CCR3: variants seen among roughly 807,000 people sequenced by gnomAD.
CCR3 encodes C-C chemokine receptor type 3.
For missense variants in CCR3, 419 were observed against 437.5 expected (o/e 0.96, Z 0.38); for synonymous variants, 203 against 179.2 (o/e 1.13, Z -1.06).
intron 2 of CCR3, among the ~76,000 whole-genome samples, chr3:46,215,528 C>T (rs1219793532): frequency 6.6e-6 from 1 of 152,208 alleles, no homozygotes; most frequent in Non-Finnish European, 1.5e-5. Context: ...TGCAGACTCT[C>T]AGGCCCCACC....
intron 1 of CCR3, among the ~76,000 whole-genome samples, chr3:46,257,675 G>A (rs933671658): frequency 2.6e-5 from 4 of 152,096 alleles, no homozygotes; most frequent in African/African-American, 9.7e-5. Context: ...ATCTATATTA[G>A]TCTGGGTTCT....
At chr3:46,225,785 A>G (rs552219523) in intron 2 of CCR3, among the ~76,000 whole-genome samples, 3 of 152,216 alleles carry the variant, frequency 2.0e-5, no homozygotes, top group African/African-American at 7.2e-5. Flanking sequence ...TTGAGTTTTG[A>G]GAATGCTTTA....
At chr3:46,246,567 C>T (rs187522308) in intron 1 of CCR3, among the ~76,000 whole-genome samples, 25 of 152,020 alleles carry the variant, frequency 1.6e-4, no homozygotes, top group Admixed American at 4.6e-4. Context: ...AGGCAAGGAC[C>T]GGCCATTTTC....
chr3:46,216,693 G>T (rs1314973739), intron 2 of CCR3, among the ~76,000 whole-genome samples: 1 of 152,128 alleles, frequency 6.6e-6, no homozygotes, highest in Non-Finnish European at 1.5e-5. Context: ...AGATGTTGGG[G>T]TCCTATCTTT....
At position 46,211,379 on chromosome 3, in the gene CCR3, G is replaced by GTA. The variant is rs34807299; in HGVS notation, c.-68+490_-68+491dup. Reference sequence around the variant, plus strand: ...ACACCTGGCTAATTTGAAAAAATATGTATATATATATATATATATTTTTTG... The same window carrying GTA: ...ACACCTGGCTAATTTGAAAAAATATGTATATATATATATATATATATTTTTTG... On this transcript the variant is annotated intron_variant, in intron 2 of 3. Transcript: ENST00000357422. Among the ~76,000 whole-genome samples the GTA allele has an allele frequency of 2.8e-3, 356 of 127,702 alleles. 1 individual carries two copies. Among genetic ancestry groups the GTA allele is most frequent in the South Asian group, 7.9e-3 (32 of 4,048 alleles). 83.8% of individuals were successfully genotyped at this position (127,702 alleles called of 152,430 possible). A position where few individuals can be genotyped will look rare whatever the true frequency, so the allele number is the denominator to read the frequency against.
At chr3:46,254,092 T>C (rs1700369476) in intron 1 of CCR3, among the ~76,000 whole-genome samples, 1 of 152,226 alleles carries the variant, frequency 6.6e-6, no homozygotes, top group Admixed American at 6.5e-5. Context: ...CTTATAATTA[T>C]GTATATAAAT....
chr3:46,212,450 C>T (rs937371902), intron 2 of CCR3, among the ~76,000 whole-genome samples: 2 of 152,020 alleles, frequency 1.3e-5, no homozygotes, highest in South Asian at 2.1e-4. Context: ...CCAGGTCCCT[C>T]GACATCACCT....
chr3:46,237,674 T>C (rs1028530509), upstream of CCR3, among the ~76,000 whole-genome samples: 5 of 152,246 alleles, frequency 3.3e-5, no homozygotes, highest in Non-Finnish European at 2.9e-5. Context: ...CAGCATGTAT[T>C]GAAGAGGGTG....
chr3:46,250,154 T>C (rs897203438), intron 1 of CCR3, among the ~76,000 whole-genome samples: 4 of 152,124 alleles, frequency 2.6e-5, no homozygotes, highest in Non-Finnish European at 4.4e-5. Context: ...AAAGGAGCAT[T>C]AACCTTGACT....
At chr3:46,247,327 G>C (rs1490332092) in intron 1 of CCR3, among the ~76,000 whole-genome samples, 1 of 152,116 alleles carries the variant, frequency 6.6e-6, no homozygotes, top group Non-Finnish European at 1.5e-5. Context: ...AAGGTGGTCC[G>C]GTGTCTGGAA....
intron 1 of CCR3, among the ~76,000 whole-genome samples, chr3:46,243,398 G>A (rs1700131832): frequency 6.6e-6 from 1 of 152,106 alleles, no homozygotes; most frequent in Admixed American, 6.6e-5. Context: ...CATTAAGTAT[G>A]TATGTGTGGA....
At chr3:46,212,566 C>T (rs1052428816) in intron 2 of CCR3, among the ~76,000 whole-genome samples, 4 of 151,858 alleles carry the variant, frequency 2.6e-5, no homozygotes, top group Admixed American at 2.6e-4. Context: ...TTCTTCTATC[C>T]AGGTGGTCAT....
chr3:46,242,963 G>GTA (rs71095086), intron 1 of CCR3, among the ~76,000 whole-genome samples: 2,507 of 86,132 alleles, frequency 0.029, 73 homozygotes, highest in Middle Eastern at 0.13. Context: ...ATATATATGT[G>GTA]TATATATATA....
At chr3:46,217,062 G>A (rs1463581219) in intron 2 of CCR3, among the ~76,000 whole-genome samples, 1 of 152,126 alleles carries the variant, frequency 6.6e-6, no homozygotes, top group African/African-American at 2.4e-5. Flanking sequence ...TAGAATGACA[G>A]ATAGATAAAA....
intron 2 of CCR3, among the ~76,000 whole-genome samples, chr3:46,228,996 CT>C (rs1559526897): frequency 6.6e-6 from 1 of 152,176 alleles, no homozygotes; most frequent in Non-Finnish European, 1.5e-5. Context: ...CTCTTTCTAG[CT>C]TTTCCTTTCC....
At chr3:46,228,171 T>C (rs1445750064) in intron 2 of CCR3, among the ~76,000 whole-genome samples, 1 of 151,888 alleles carries the variant, frequency 6.6e-6, no homozygotes, top group African/African-American at 2.4e-5. Context: ...CTTTTTTTTT[T>C]TTCTTCCTCA....
intron 1 of CCR3, among the ~76,000 whole-genome samples, chr3:46,249,540 G>C (rs1700265419): frequency 6.6e-6 from 1 of 152,146 alleles, no homozygotes; most frequent in South Asian, 2.1e-4. Context: ...GATGGTCTAT[G>C]GGGCTTCCGA....
upstream of CCR3, among the ~76,000 whole-genome samples, chr3:46,241,875 T>C (rs930773546): frequency 2.0e-5 from 3 of 152,102 alleles, no homozygotes; most frequent in African/African-American, 7.2e-5. Flanking sequence ...TCAAGAATTA[T>C]AAATCCCAGG....
chr3:46,235,305 C>A (rs1422634624), intron 2 of CCR3, among the ~76,000 whole-genome samples: 1 of 152,128 alleles, frequency 6.6e-6, no homozygotes, highest in Non-Finnish European at 1.5e-5. Context: ...ACTAAGTAGG[C>A]AATAAATGCC....
Sources: allele counts gnomAD v4.1 joint callset (sites outside exome capture counted in the v4.1 genomes callset), GRCh38; gene constraint gnomAD v4.1.1; transcripts MANE v1.5; gene names NCBI Gene and HGNC (gene_info 2026-07-23, HGNC 2026-07-21).